Variants in ZBTB16 observed in about 807,000 individuals in gnomAD.
ZBTB16 encodes the protein zinc finger and BTB domain containing 16.
In ZBTB16, 8 loss-of-function variants were observed where a neutral mutation model predicts 56.8. The observed-to-expected ratio is 0.14, with a 90% CI of 0.08 to 0.25. ZBTB16 has a LOEUF of 0.25. Ranked by LOEUF, ZBTB16 falls within the 10% of genes least tolerant of loss-of-function variation. ZBTB16 has a pLI of 1.00. For synonymous variants in ZBTB16, 363 were observed against 368.5 expected (o/e 0.98, Z 0.17); for missense variants, 625 against 903.0 (o/e 0.69, Z 3.95).
chr11:114,242,878 G>A (rs1565706011), intron 5 of ZBTB16, among the ~76,000 whole-genome samples: 1 of 152,162 alleles, frequency 6.6e-6, no homozygotes, highest in Non-Finnish European at 1.5e-5. Flanking sequence ...CCTTAACCCT[G>A]TTTAGGGAAG....
In ZBTB16 at chr11:114,155,942, C is replaced by T. The variant is rs373594215; in HGVS notation, c.1269-395C>T. 3.4e-3 allele frequency among the ~76,000 whole-genome samples: 515 copies of T among 152,282 alleles called. 1 individual carries two copies. Among genetic ancestry groups the T allele is most frequent in the Non-Finnish European group, 5.8e-3 (393 of 68,024 alleles). ...CATGGGCTCGTTCACAGTCACCACCCGGGAAAGGCAGTGCTACACAGAGGT... is the reference window on the plus strand; with the variant it reads ...CATGGGCTCGTTCACAGTCACCACCTGGGAAAGGCAGTGCTACACAGAGGT... On this transcript the variant is annotated intron_variant, in intron 2 of 6. Coordinates refer to ENST00000335953, the MANE Select transcript of ZBTB16 (RefSeq NM_006006.6).
intron 2 of ZBTB16, among the ~76,000 whole-genome samples, chr11:114,097,316 G>A (rs537927474): frequency 1.3e-5 from 2 of 152,250 alleles, no homozygotes; most frequent in South Asian, 4.1e-4. Flanking sequence ...AGGGGAATGG[G>A]GAGTTAAGGT....
chr11:114,247,133 C>T (rs1263623846), intron 5 of ZBTB16, 65 bp from the exon 6 acceptor site: 30 of 1,611,316 alleles, frequency 1.9e-5, no homozygotes, highest in Non-Finnish European at 2.5e-5. Flanking sequence ...CAGAATGTGC[C>T]CTACTGTCCC....
chr11:114,084,912 T>C (rs1939905559), intron 2 of ZBTB16, among the ~76,000 whole-genome samples: 1 of 152,216 alleles, frequency 6.6e-6, no homozygotes. Flanking sequence ...CCCTGTGCTT[T>C]CCTGCCTTAG....
chr11:114,108,205 C>G (rs868740981), intron 2 of ZBTB16, among the ~76,000 whole-genome samples: 1 of 152,034 alleles, frequency 6.6e-6, no homozygotes, highest in African/African-American at 2.4e-5. Flanking sequence ...CTCTGAGACC[C>G]CAGGCCCGGA....
intron 3 of ZBTB16, among the ~76,000 whole-genome samples, chr11:114,173,262 G>T (rs1943017514): frequency 6.6e-6 from 1 of 152,188 alleles, no homozygotes; most frequent in Non-Finnish European, 1.5e-5. Context: ...GCTGAGAAGG[G>T]CTAAAAATAG....
At chr11:114,213,542 G>A (rs549192018) in intron 4 of ZBTB16, among the ~76,000 whole-genome samples, 3 of 152,306 alleles carry the variant, frequency 2.0e-5, no homozygotes, top group Admixed American at 6.5e-5. Context: ...GACCCCAGCA[G>A]TAATTAGATT....
Position 114,245,008 on chromosome 11 carries a change from G to A in ZBTB16, c.1625-2190G>A, listed in dbSNP as rs373737751. Among the ~76,000 whole-genome samples the A allele has an allele frequency of 3.9e-5, 6 of 152,318 alleles. No individual in the cohort carries two copies. The East Asian group carries it at 7.7e-4, about 20-fold the overall frequency. On this transcript the variant is annotated intron_variant, in intron 5 of 6. Transcript: ENST00000335953. Reference sequence around the variant, plus strand: ...TTTGATTAAAGTCGTAATCGTTGCCGATTCAGTAAGGAGGGGGAGTTGGAT... The same window carrying A: ...TTTGATTAAAGTCGTAATCGTTGCCAATTCAGTAAGGAGGGGGAGTTGGAT...
At chr11:114,166,821 C>T (rs1200794268) in intron 3 of ZBTB16, among the ~76,000 whole-genome samples, 1 of 152,086 alleles carries the variant, frequency 6.6e-6, no homozygotes, top group Non-Finnish European at 1.5e-5. Context: ...TAAAAATAGC[C>T]CCATGACCTT....
At chr11:114,233,123 ACACTCT>A (rs1182967978) in intron 4 of ZBTB16, among the ~76,000 whole-genome samples, 633 of 52,102 alleles carry the variant, frequency 0.012, 9 homozygotes, top group East Asian at 0.034. Flanking sequence ...ACACACACAC[ACACTCT>A]CTCTCTCTCA....
At chr11:114,114,824 G>A (rs1941122248) in intron 2 of ZBTB16, among the ~76,000 whole-genome samples, 1 of 151,934 alleles carries the variant, frequency 6.6e-6, no homozygotes, top group Admixed American at 6.6e-5. Flanking sequence ...GGACTGCAAG[G>A]TGTGCACTAC....
chr11:114,135,851 A>C (rs1266766686), intron 2 of ZBTB16, among the ~76,000 whole-genome samples: 1 of 152,210 alleles, frequency 6.6e-6, no homozygotes, highest in Non-Finnish European at 1.5e-5. Context: ...ACAGGAAGTG[A>C]CTTGCAGAAG....
intron 3 of ZBTB16, among the ~76,000 whole-genome samples, chr11:114,162,387 T>C (rs976406402): frequency 6.6e-6 from 1 of 152,176 alleles, no homozygotes; most frequent in Non-Finnish European, 1.5e-5. Flanking sequence ...AGCTGGAAAA[T>C]TCCCTGTGAC....
At chr11:114,183,250 A>C (rs1943291372) in intron 3 of ZBTB16, among the ~76,000 whole-genome samples, 1 of 152,186 alleles carries the variant, frequency 6.6e-6, no homozygotes, top group African/African-American at 2.4e-5. Flanking sequence ...TCACATGCTC[A>C]GCTCAGTGTC....
chr11:114,204,515 A>G (rs1943809709), intron 4 of ZBTB16, among the ~76,000 whole-genome samples: 1 of 152,146 alleles, frequency 6.6e-6, no homozygotes, highest in Non-Finnish European at 1.5e-5. Flanking sequence ...TTGCCTACCA[A>G]CAGACCTATG....
At chr11:114,192,418 G>T (rs1591767919) in intron 4 of ZBTB16, among the ~76,000 whole-genome samples, 1 of 152,220 alleles carries the variant, frequency 6.6e-6, no homozygotes, top group East Asian at 1.9e-4. Context: ...TATAGGGAAG[G>T]AGGAATTGAT....
chr11:114,199,188 C>T (rs1943674592), intron 4 of ZBTB16, among the ~76,000 whole-genome samples: 1 of 151,970 alleles, frequency 6.6e-6, no homozygotes, highest in Non-Finnish European at 1.5e-5. Context: ...GGATGCCGGA[C>T]ATGGATGCCG....
intron 4 of ZBTB16, among the ~76,000 whole-genome samples, chr11:114,241,244 A>C (rs912527125): frequency 6.6e-6 from 1 of 151,928 alleles, no homozygotes; most frequent in African/African-American, 2.4e-5. Context: ...AAAAAAAAAA[A>C]ACAAAACAGG....
intron 2 of ZBTB16, among the ~76,000 whole-genome samples, chr11:114,127,808 A>G (rs1161293512): frequency 2.6e-5 from 4 of 152,138 alleles, no homozygotes; most frequent in South Asian, 2.1e-4. Flanking sequence ...ATCTGATGCC[A>G]TATGTGCTTC....
Sources: allele counts gnomAD v4.1 joint callset (sites outside exome capture counted in the v4.1 genomes callset), GRCh38; gene constraint gnomAD v4.1.1; transcripts MANE v1.5; gene names NCBI Gene and HGNC (gene_info 2026-07-23, HGNC 2026-07-21).